Variants in TRPM2 observed in about 807,000 individuals in gnomAD.
TRPM2 encodes the protein estrogen-responsive element-associated gene 1 protein.
A neutral mutation model predicts 174.0 loss-of-function variants in TRPM2; 161 were observed. The observed-to-expected ratio is 0.93, with a 90% CI of 0.81 to 1.05. The LOEUF is 1.05. Among genes scored for constraint, TRPM2 ranks in the 50% least tolerant of loss-of-function variants. TRPM2 has a pLI of 0.00. For missense variants in TRPM2, 2,057 were observed against 2,038.0 expected, an observed-to-expected ratio of 1.01 and a Z score of -0.18; for synonymous variants, 954 against 861.3, an observed-to-expected ratio of 1.11 and a Z score of -1.88.
intron 16 of TRPM2, among the ~76,000 whole-genome samples, 161 bp downstream of exon 16, chr21:44,402,058 G>C (rs545124238): frequency 6.6e-6 from 1 of 152,054 alleles, no homozygotes; most frequent in Non-Finnish European, 1.5e-5. Context: ...TGGCTGGGGC[G>C]CTGCCCTCCA....
chr21:44,411,780 G>A (rs1487821025), intron 19 of TRPM2, among the ~76,000 whole-genome samples: 4 of 152,144 alleles, frequency 2.6e-5, no homozygotes, highest in Non-Finnish European at 5.9e-5. Context: ...TCTATTCCTA[G>A]TTTCTTGAGT....
At chr21:44,437,467 G>A (rs188112060) in intron 29 of TRPM2, among the ~76,000 whole-genome samples, 77 of 152,322 alleles carry the variant, frequency 5.1e-4, no homozygotes, top group Non-Finnish European at 7.5e-4. Context: ...GGCTCCCCTT[G>A]TGGAGTTCAG....
At chr21:44,431,622 C>T (rs780330170) in intron 27 of TRPM2, among the ~76,000 whole-genome samples, 50 of 152,238 alleles carry the variant, frequency 3.3e-4, no homozygotes, top group Non-Finnish European at 6.6e-4. Context: ...ATTACAGGCA[C>T]GCACCACCAT....
intron 20 of TRPM2, 147 bp from the exon 21 acceptor site, chr21:44,417,780 G>A: frequency 2.5e-6 from 2 of 792,232 alleles, no homozygotes; most frequent in Non-Finnish European, 4.0e-6. Context: ...GGGCATGTGG[G>A]TGTGGCTCTG....
intron 12 of TRPM2, 99 bp downstream of exon 12, chr21:44,395,650 A>T: frequency 6.4e-7 from 1 of 1,554,544 alleles, no homozygotes; most frequent in Non-Finnish European, 8.7e-7. Context: ...CCTGAGGCCA[A>T]GTGCACGTGG....
chr21:44,416,718 C>T (rs572867704), intron 20 of TRPM2: 22 of 199,478 alleles, frequency 1.1e-4, no homozygotes, highest in East Asian at 5.3e-4. Flanking sequence ...GCTGGCCTCC[C>T]GTGTGGCGTG....
chr21:44,422,142 G>T, intron 22 of TRPM2: 1 of 1,071,210 alleles, frequency 9.3e-7, no homozygotes, highest in Non-Finnish European at 1.3e-6. Flanking sequence ...CCGTACCAAG[G>T]GCCCTAGCCT....
In TRPM2 at chr21:44,424,861, A is replaced by G; in HGVS notation, c.3559A>G (p.Thr1187Ala). 1 of 1,599,818 alleles carries G rather than the reference A, an allele frequency of 6.3e-7. No homozygotes were observed. Among genetic ancestry groups the G allele is most frequent in the Non-Finnish European group, 8.5e-7 (1 of 1,173,834 alleles). Reference protein sequence around the residue: ...LASLEEQVAQTAQALHWIVRT... With the variant: ...LASLEEQVAQAAQALHWIVRT... Reference sequence around the variant, plus strand: ...GGGCCATGCCTTCCAGGTGGCCCAGACAGCCCAAGCCCTGCACTGGATCGT... The same window carrying G: ...GGGCCATGCCTTCCAGGTGGCCCAGGCAGCCCAAGCCCTGCACTGGATCGT... Residue 1187 changes from threonine (T) to alanine (A), a missense_variant, in exon 24 of 32, where the codon ACA becomes GCA. Thr to Ala is a moderately conservative substitution (Grantham distance 58, BLOSUM62 0). Coordinates refer to ENST00000397928, the MANE Select transcript of TRPM2 (RefSeq NM_003307.4).
chr21:44,434,137 G>A (rs1365687553), intron 27 of TRPM2, among the ~76,000 whole-genome samples: 1 of 152,164 alleles, frequency 6.6e-6, no homozygotes, highest in Non-Finnish European at 1.5e-5. Flanking sequence ...GGCCATGAGG[G>A]GTGGGTCAGA....
intron 28 of TRPM2, among the ~76,000 whole-genome samples, chr21:44,436,117 C>A (rs557833848): frequency 6.6e-6 from 1 of 152,178 alleles, no homozygotes; most frequent in Non-Finnish European, 1.5e-5. Context: ...ACACTCACCC[C>A]CTCAGGCTCA....
rs201662177 is a variant in TRPM2, at chr21:44,406,805, G to A, written c.2962+40G>A. 857 of 1,566,550 alleles carry A rather than the reference G, an allele frequency of 5.5e-4. 4 individuals are homozygous for A. The Middle Eastern group carries it at 8.3e-3, about 15-fold the overall frequency. The stretch of plus-strand genomic sequence containing the variant: ...CCATGGGAGCTCGGGTGGTGCTGCC[G>A]GGAAGCAGGAGAGAGGCTGGAAAGG... On this transcript the variant is annotated intron_variant, in intron 19 of 31. Transcript: ENST00000397928.
At chr21:44,378,532 C>T (rs2048776567) in intron 7 of TRPM2, among the ~76,000 whole-genome samples, 2 of 152,168 alleles carry the variant, frequency 1.3e-5, no homozygotes, top group Admixed American at 6.5e-5. Flanking sequence ...GCACCCGCCT[C>T]CTTACCCCAG....
chr21:44,429,862 T>C (rs2050964177), intron 27 of TRPM2, among the ~76,000 whole-genome samples: 2 of 152,190 alleles, frequency 1.3e-5, no homozygotes, highest in African/African-American at 4.8e-5. Context: ...GGCTTCCTTG[T>C]TTCTGACTTA....
chr21:44,433,770 C>T (rs2051119383), intron 27 of TRPM2, among the ~76,000 whole-genome samples: 1 of 152,192 alleles, frequency 6.6e-6, no homozygotes, highest in South Asian at 2.1e-4. Context: ...GGAGGGCTGT[C>T]TGAGAGGCCT....
At chr21:44,405,757 C>T (rs1472619371) in intron 17 of TRPM2, 148 bp from the exon 18 acceptor site, 2 of 981,850 alleles carry the variant, frequency 2.0e-6, no homozygotes, top group Admixed American at 2.5e-5. Context: ...CTCATGCCAG[C>T]TTTGAACACC....
rs756448610 is a variant in TRPM2 at position 44,405,219 on chromosome 21, C to G, written c.2616C>G (p.Asp872Glu). Residue 872 changes from aspartate (D) to glutamate (E), a missense_variant, in exon 17 of 32, where the codon GAC becomes GAG. Coordinates refer to ENST00000397928, the MANE Select transcript of TRPM2 (RefSeq NM_003307.4). Reference protein sequence around the residue: ...LYFSDFWNKLDVGAILLFVAG... With the variant: ...LYFSDFWNKLEVGAILLFVAG... ...TCAGTGACTTCTGGAATAAGCTGGA[C>G]GTCGGCGCAATCTTGCTCTTCGTGG... The G allele has an allele frequency of 6.2e-7, 1 of 1,613,286 alleles. No individual in the cohort carries two copies.
intron 15 of TRPM2, among the ~76,000 whole-genome samples, chr21:44,401,369 G>A (rs998077826): frequency 3.3e-5 from 5 of 152,284 alleles, no homozygotes; most frequent in Admixed American, 6.5e-5. Context: ...TGGGCTTGGG[G>A]CAGGCTGGGC....
intron 17 of TRPM2, among the ~76,000 whole-genome samples, 186 bp downstream of exon 17, chr21:44,405,446 G>C (rs796722707): frequency 4.6e-5 from 7 of 152,298 alleles, no homozygotes; most frequent in African/African-American, 1.7e-4. Flanking sequence ...TGTTGAGGGA[G>C]CACAGAAGGG....
chr21:44,418,524 C>T lies in TRPM2; in HGVS notation c.3430C>T (p.Pro1144Ser). The T allele has an allele frequency of 6.2e-7, 1 of 1,614,118 alleles. No individual in the cohort carries two copies. Among genetic ancestry groups the T allele is most frequent in the East Asian group, 2.2e-5 (1 of 44,878 alleles). The change falls in exon 22 of 32, where the codon CCC (proline) becomes TCC (serine). Residue 1144 changes from proline to serine, a missense_variant. Physicochemically the swap from Pro to Ser is moderately conservative, Grantham distance 74. Transcript: ENST00000397928. ...QNRQFQQKQRPEQKIEDISNK... is the reference protein window; with the variant it reads ...QNRQFQQKQRSEQKIEDISNK... Reference sequence around the variant, plus strand: ...CCGACAGTTCCAGCAAAAGCAGCGGCCCGAGCAGAAGATCGAGGACATCAG... The same window carrying T: ...CCGACAGTTCCAGCAAAAGCAGCGGTCCGAGCAGAAGATCGAGGACATCAG...
Sources: gnomAD v4.1 joint callset for allele counts (sites outside exome capture counted in the v4.1 genomes callset) on GRCh38, gnomAD v4.1.1 for gene constraint, MANE v1.5 for transcripts, NCBI Gene and HGNC (gene_info 2026-07-23, HGNC 2026-07-21) for gene names.